GPC6: variants seen among roughly 807,000 people sequenced by gnomAD.
The protein encoded by GPC6 is glypican 6.
A neutral mutation model predicts 55.2 loss-of-function variants in GPC6; 14 were observed. The ratio of observed to expected loss-of-function variants is 0.25; its 90% CI spans 0.17 to 0.40. The LOEUF (loss-of-function observed/expected upper bound fraction) is 0.40, where lower values mean the gene tolerates loss of function less well. GPC6 is among the 10% of genes least tolerant of loss of function. The pLI, the probability that GPC6 is intolerant of heterozygous loss-of-function variation, is 1.00. For synonymous variants in GPC6, 278 were observed against 259.6 expected (o/e 1.07, Z -0.68); for missense variants, 641 against 708.5 (o/e 0.90, Z 1.08).
At chr13:93,638,133 A>G (rs947257909) in intron 2 of GPC6, among the ~76,000 whole-genome samples, 4 of 152,132 alleles carry the variant, frequency 2.6e-5, no homozygotes, top group Admixed American at 2.6e-4. Flanking sequence ...GCTAAAACAC[A>G]TCTGAGTTTG....
intron 4 of GPC6, among the ~76,000 whole-genome samples, chr13:94,059,935 C>T (rs1884263446): frequency 6.6e-6 from 1 of 152,022 alleles, no homozygotes; most frequent in African/African-American, 2.4e-5. Context: ...GCCTCTTTCC[C>T]TGCTCCCAGC....
chr13:93,816,464 C>T (rs952671255), intron 2 of GPC6, among the ~76,000 whole-genome samples: 1 of 151,270 alleles, frequency 6.6e-6, no homozygotes, highest in Admixed American at 6.6e-5. Context: ...TTCCATGCTA[C>T]GTTGTTGTTA....
rs189941188 is a variant in GPC6, at chr13:93,325,998, G to A, written c.160+98382G>A. Among the ~76,000 whole-genome samples, 130 of 152,214 alleles carry A rather than the reference G, an allele frequency of 8.5e-4. 1 individual carries two copies. The highest frequency in any genetic ancestry group is 1.3e-3 in the Non-Finnish European group (91 of 68,018). ...GGACATAATGGAGAGTAACATAGTC[G>A]TGGTTTGTACCTTTAGGGAGCACAG... is the stretch of plus-strand genomic sequence containing the variant. On this transcript the variant is annotated intron_variant, in intron 1 of 8. Coordinates refer to ENST00000377047, the MANE Select transcript of GPC6 (RefSeq NM_005708.5).
At chr13:93,424,973 A>G (rs1157352420) in intron 1 of GPC6, among the ~76,000 whole-genome samples, 1 of 152,124 alleles carries the variant, frequency 6.6e-6, no homozygotes, top group Non-Finnish European at 1.5e-5. Flanking sequence ...CCTACCCCCA[A>G]CACACAGACC....
chr13:93,241,153 T>C (rs1949095864), intron 1 of GPC6, among the ~76,000 whole-genome samples: 1 of 152,208 alleles, frequency 6.6e-6, no homozygotes, highest in Admixed American at 6.5e-5. Context: ...CCAGAGTTCT[T>C]TGAGACTCTT....
chr13:93,380,139 A>G (rs1464572011), intron 1 of GPC6, among the ~76,000 whole-genome samples: 1 of 152,168 alleles, frequency 6.6e-6, no homozygotes, highest in Non-Finnish European at 1.5e-5. Flanking sequence ...TATCAAGATT[A>G]AAAGTTACTG....
At chr13:93,363,904 C>T (rs1314484320) in intron 1 of GPC6, among the ~76,000 whole-genome samples, 1 of 151,960 alleles carries the variant, frequency 6.6e-6, no homozygotes, top group Non-Finnish European at 1.5e-5. Flanking sequence ...AGCATTTTTT[C>T]ATGTGTTTTT....
At chr13:93,235,739 T>C (rs1345386373) in intron 1 of GPC6, among the ~76,000 whole-genome samples, 2 of 152,212 alleles carry the variant, frequency 1.3e-5, no homozygotes, top group Non-Finnish European at 2.9e-5. Flanking sequence ...TCAAGTAGTC[T>C]GTGTCAGTTA....
At chr13:93,375,739 C>T (rs1874865340) in intron 1 of GPC6, among the ~76,000 whole-genome samples, 1 of 152,140 alleles carries the variant, frequency 6.6e-6, no homozygotes, top group Non-Finnish European at 1.5e-5. Context: ...CTTCCCTTGG[C>T]CCTGATTTCA....
chr13:93,876,332 T>C (rs575869358), intron 3 of GPC6, among the ~76,000 whole-genome samples: 2 of 152,160 alleles, frequency 1.3e-5, no homozygotes, highest in South Asian at 4.1e-4. Context: ...AACCTAACTT[T>C]TGTCTTGAGC....
chr13:94,256,297 G>C (rs1891502599), intron 4 of GPC6, among the ~76,000 whole-genome samples: 1 of 152,202 alleles, frequency 6.6e-6, no homozygotes. Context: ...GTGTCTCAGT[G>C]TAGTATGCAC....
intron 2 of GPC6, among the ~76,000 whole-genome samples, chr13:93,779,978 T>A (rs1461088657): frequency 6.6e-6 from 1 of 152,130 alleles, no homozygotes; most frequent in East Asian, 1.9e-4. Context: ...TTTTTTTCCT[T>A]ATGGATCCAA....
At chr13:93,451,677 T>C (rs1382349666) in intron 1 of GPC6, among the ~76,000 whole-genome samples, 3 of 152,182 alleles carry the variant, frequency 2.0e-5, no homozygotes, top group South Asian at 2.1e-4. Context: ...TCTACAAAAA[T>C]GTTTTCCAAT....
intron 3 of GPC6, among the ~76,000 whole-genome samples, chr13:93,887,921 G>A (rs1875441488): frequency 6.6e-6 from 1 of 152,110 alleles, no homozygotes; most frequent in Non-Finnish European, 1.5e-5. Context: ...AGGACATTCT[G>A]ACTACGGGTT....
chr13:93,236,686 C>T (rs1403549083), intron 1 of GPC6, among the ~76,000 whole-genome samples: 3 of 152,126 alleles, frequency 2.0e-5, no homozygotes, highest in Non-Finnish European at 4.4e-5. Context: ...CAAACCATCC[C>T]CACCAATCCA....
chr13:94,396,545 C>T (rs1012247758), intron 7 of GPC6, among the ~76,000 whole-genome samples: 4 of 152,234 alleles, frequency 2.6e-5, no homozygotes, highest in Non-Finnish European at 4.4e-5. Context: ...CCCAACCAAA[C>T]CTGGCCCCCT....
intron 1 of GPC6, among the ~76,000 whole-genome samples, chr13:93,366,540 C>T (rs1881256304): frequency 2.0e-5 from 3 of 151,996 alleles, no homozygotes; most frequent in South Asian, 4.1e-4. Flanking sequence ...TAAAATGAGC[C>T]ACCCACATTC....
At chr13:94,193,251 C>A (rs1228813043) in intron 4 of GPC6, among the ~76,000 whole-genome samples, 2 of 152,070 alleles carry the variant, frequency 1.3e-5, no homozygotes, top group African/African-American at 4.8e-5. Context: ...GGAATGCCAC[C>A]CAGGAGGCCT....
chr13:94,270,303 A>G (rs1020068681), intron 4 of GPC6, among the ~76,000 whole-genome samples: 1 of 152,254 alleles, frequency 6.6e-6, no homozygotes, highest in African/African-American at 2.4e-5. Context: ...TATATTTTAT[A>G]ATAGTGCAAA....
Sources: allele counts gnomAD v4.1 joint callset (sites outside exome capture counted in the v4.1 genomes callset), GRCh38; gene constraint gnomAD v4.1.1; transcripts MANE v1.5; gene names NCBI Gene and HGNC (gene_info 2026-07-23, HGNC 2026-07-21).